The following PSAT1 variants were observed in gnomAD, a reference collection of about 807,000 sequenced individuals.
PSAT1 encodes phosphoserine aminotransferase 1.
In PSAT1, 41 loss-of-function variants were observed where a neutral mutation model predicts 40.3. That is an observed-to-expected ratio of 1.02 (90% confidence interval 0.79 to 1.32). The LOEUF is 1.32. Among genes scored for constraint, PSAT1 ranks in the 40% most tolerant of loss-of-function variants. PSAT1 has a pLI of 0.00. For synonymous variants in PSAT1, 147 were observed against 170.5 expected, an observed-to-expected ratio of 0.86 and a Z score of 1.07; for missense variants, 406 against 455.8, an observed-to-expected ratio of 0.89 and a Z score of 0.99.
rs1004532311 is a variant in PSAT1 at position 78,329,318 on chromosome 9, C to G, written c.*232C>G. On this transcript the variant is annotated 3_prime_UTR_variant, in exon 9 of 9. Coordinates refer to ENST00000376588, the MANE Select transcript of PSAT1 (RefSeq NM_058179.4). ...GGAAGCATTTTAAGAAATCTTGTTG[C>G]TTTTCTAACAAATTCCCGCGTATTT... 1.9e-6 allele frequency: 1 copy of G among 528,660 alleles called. No homozygotes were observed. Among genetic ancestry groups the G allele is most frequent in the African/African-American group, 1.9e-5 (1 of 52,364 alleles). The allele number at this position is 528,660 out of a possible 1,614,324, so 32.7% of individuals were successfully genotyped here. A position where few individuals can be genotyped will look rare whatever the true frequency, so the allele number is the denominator to read the frequency against.
intron 1 of PSAT1, among the ~76,000 whole-genome samples, chr9:78,297,824 C>T (rs1005818554): frequency 6.6e-6 from 1 of 152,156 alleles, no homozygotes; most frequent in Non-Finnish European, 1.5e-5. Flanking sequence ...GCGTGCCCCC[C>T]TACGCCTTAC....
intron 2 of PSAT1, 72 bp from the exon 3 acceptor site, chr9:78,301,882 T>G (rs1828112064): frequency 8.3e-7 from 1 of 1,202,362 alleles, no homozygotes; most frequent in Non-Finnish European, 1.2e-6. Context: ...ACTTGCAAAT[T>G]TCGTAGGTAT....
rs147254149 is a variant in PSAT1, at chr9:78,308,725, G to A, written c.740+142G>A. On this transcript the variant is annotated intron_variant, in intron 6 of 8. Coordinates refer to ENST00000376588, the MANE Select transcript of PSAT1 (RefSeq NM_058179.4). ...AATCTTAGCAATTTGGGAGGCTGAG[G>A]TGGATGGACCACTTGAGGTCAGGAG... 37 of 937,624 alleles carry A rather than the reference G, an allele frequency of 3.9e-5. No homozygotes were observed. The African/African-American group carries it at 4.8e-4, about 12-fold the overall frequency. 58.1% of individuals were successfully genotyped at this position (937,624 alleles called of 1,614,324 possible). A position where few individuals can be genotyped will look rare whatever the true frequency, so the allele number is the denominator to read the frequency against.
intron 1 of PSAT1, among the ~76,000 whole-genome samples, chr9:78,299,479 C>T (rs916629406): frequency 2.7e-5 from 4 of 149,228 alleles, no homozygotes; most frequent in Non-Finnish European, 4.5e-5. Context: ...ATTCTTAGAC[C>T]CAGTCGTCAA....
In PSAT1 at chr9:78,317,503, G is replaced by A. The variant is rs534029537; in HGVS notation, c.741-173G>A. 3.3e-5 allele frequency among the ~76,000 whole-genome samples: 5 copies of A among 152,248 alleles called. No individual in the cohort carries two copies. In the South Asian group the frequency reaches 6.2e-4, roughly 19 times the overall value. ...TGGCTTCAAGCGATCCTTCGGCCTC[G>A]GCCTTCCAAAGTGTTGGGATTACGG... On this transcript the variant is annotated intron_variant, in intron 6 of 8. Transcript: ENST00000376588.
rs77615376 is a variant in PSAT1, at chr9:78,304,687, T to C, written c.192-48T>C. On this transcript the variant is annotated intron_variant, in intron 3 of 8. Coordinates refer to ENST00000376588, the MANE Select transcript of PSAT1 (RefSeq NM_058179.4). ...GTAGAGCATCACTTGTTCTCAATCT[T>C]TGACCACATGAGTTTATGTATTGAC... is the stretch of plus-strand genomic sequence containing the variant. The C allele has an allele frequency of 1.9e-3, 2,997 of 1,540,918 alleles. 54 individuals are homozygous for C. The African/African-American group carries it at 0.037, about 19-fold the overall frequency.
intron 7 of PSAT1, among the ~76,000 whole-genome samples, chr9:78,325,195 AAAT>A (rs1828479161): frequency 6.6e-6 from 1 of 152,044 alleles, no homozygotes; most frequent in Non-Finnish European, 1.5e-5. Context: ...AGATGGAAAA[AAAT>A]GATTTTGGTC....
intron 1 of PSAT1, chr9:78,298,423 A>G (rs1382015404): frequency 3.0e-6 from 3 of 985,230 alleles, no homozygotes; most frequent in Non-Finnish European, 2.4e-6. Flanking sequence ...CCAATTTTAA[A>G]GGGGAAAGGA....
chr9:78,326,237 A>G (rs1209739556), intron 7 of PSAT1, among the ~76,000 whole-genome samples: 2 of 152,188 alleles, frequency 1.3e-5, no homozygotes, highest in African/African-American at 2.4e-5. Flanking sequence ...TGTAATTTTA[A>G]TGAATTCCAC....
intron 3 of PSAT1, among the ~76,000 whole-genome samples, chr9:78,304,273 A>G (rs1193915811): frequency 6.6e-6 from 1 of 152,150 alleles, no homozygotes; most frequent in Non-Finnish European, 1.5e-5. Flanking sequence ...GGTGGCCACC[A>G]TTGGTTGCAG....
intron 6 of PSAT1, among the ~76,000 whole-genome samples, chr9:78,313,335 A>T (rs1216176471): frequency 6.6e-6 from 1 of 152,242 alleles, no homozygotes; most frequent in Non-Finnish European, 1.5e-5. Flanking sequence ...ACTGCACTCC[A>T]GCCGGGGTGA....
At chr9:78,308,636 A>G (rs997899293) in intron 6 of PSAT1, 53 bp downstream of exon 6, 12 of 1,594,366 alleles carry the variant, frequency 7.5e-6, no homozygotes, top group African/African-American at 2.7e-5. Flanking sequence ...ACTATTTTTC[A>G]TCAAAGCGGA....
rs199619145 is a variant in PSAT1, at chr9:78,306,373, G to T, written c.457G>T (p.Ala153Ser). ...AGATGCCTCCTACGTGTATTATTGC[G>T]CAAATGAGACGGTGCATGGTGTGGA... Reference protein sequence around the residue: ...NPDASYVYYCANETVHGVEFD... With the variant: ...NPDASYVYYCSNETVHGVEFD... The change falls in exon 5 of 9, where the codon GCA becomes TCA. Residue 153 changes from alanine to serine, a missense_variant. Coordinates refer to ENST00000376588, the MANE Select transcript of PSAT1 (RefSeq NM_058179.4). 42 of 1,613,416 alleles carry T rather than the reference G, an allele frequency of 2.6e-5. No homozygotes were observed. The highest frequency in any genetic ancestry group is 4.5e-5 in the East Asian group (2 of 44,878).
rs1283652820 is a variant in PSAT1 at position 78,297,182 on chromosome 9, G to A, written c.-29G>A. Reference sequence around the variant, plus strand: ...GCCGTTCACGCGTTCGGTCCTCCTTGGCTGACTCACCGCCCTGGCCGCCGC... The same window carrying A: ...GCCGTTCACGCGTTCGGTCCTCCTTAGCTGACTCACCGCCCTGGCCGCCGC... On this transcript the variant is annotated 5_prime_UTR_variant, in exon 1 of 9. Coordinates refer to ENST00000376588, the MANE Select transcript of PSAT1 (RefSeq NM_058179.4). 1 of 1,589,564 alleles carries A rather than the reference G, an allele frequency of 6.3e-7. No individual in the cohort carries two copies. The highest frequency in any genetic ancestry group is 8.5e-7 in the Non-Finnish European group (1 of 1,172,310).
intron 1 of PSAT1, among the ~76,000 whole-genome samples, chr9:78,300,210 C>T (rs572291560): frequency 6.6e-6 from 1 of 152,242 alleles, no homozygotes; most frequent in African/African-American, 2.4e-5. Flanking sequence ...CAAAAGAGAT[C>T]GGAAAATTGA....
At chr9:78,298,594 C>A (rs1201393774) in intron 1 of PSAT1, among the ~76,000 whole-genome samples, 1 of 152,048 alleles carries the variant, frequency 6.6e-6, no homozygotes, top group Non-Finnish European at 1.5e-5. Flanking sequence ...GTGTTCCCAA[C>A]GTTTGTTCCC....
At chr9:78,304,712 C>G (rs976602560) in intron 3 of PSAT1, 23 bp from the exon 4 acceptor site, 1 of 1,591,462 alleles carries the variant, frequency 6.3e-7, no homozygotes, top group African/African-American at 1.3e-5. Flanking sequence ...TATGTATTGA[C>G]TGTTACCTAT....
Position 78,304,720 on chromosome 9 carries a change from T to A in PSAT1, c.192-15T>A. ...ATGAGTTTATGTATTGACTGTTACC[T>A]ATGCTTCTGCCCAGAGCTGTTCCAG... On this transcript the variant is annotated splice_polypyrimidine_tract_variant and intron_variant, in intron 3 of 8. Coordinates refer to ENST00000376588, the MANE Select transcript of PSAT1 (RefSeq NM_058179.4). 6.2e-7 allele frequency: 1 copy of A among 1,604,130 alleles called. No homozygotes were observed. Among genetic ancestry groups the A allele is most frequent in the Non-Finnish European group, 8.5e-7 (1 of 1,170,884 alleles).
intron 6 of PSAT1, among the ~76,000 whole-genome samples, chr9:78,316,339 T>A (rs1046959390): frequency 2.0e-5 from 3 of 152,134 alleles, no homozygotes; most frequent in Non-Finnish European, 2.9e-5. Context: ...ACACAAATCC[T>A]CCTCCATCTG....
Sources: gnomAD v4.1 joint callset for allele counts (sites outside exome capture counted in the v4.1 genomes callset) on GRCh38, gnomAD v4.1.1 for gene constraint, MANE v1.5 for transcripts, NCBI Gene and HGNC (gene_info 2026-07-23, HGNC 2026-07-21) for gene names.